CPXM1: variants seen among roughly 807,000 people sequenced by gnomAD.
The protein encoded by CPXM1 is carboxypeptidase X, M14 family member 1.
In CPXM1, 72 loss-of-function variants were observed where a neutral mutation model predicts 80.4. The observed-to-expected ratio is 0.90, with a 90% CI of 0.74 to 1.09. The LOEUF (loss-of-function observed/expected upper bound fraction) is 1.09. Ranked by LOEUF, CPXM1 falls within the 50% of genes least tolerant of loss-of-function variation. The pLI is 0.00. For synonymous variants in CPXM1, 403 were observed against 405.6 expected (o/e 0.99, Z 0.08); for missense variants, 892 against 999.4 (o/e 0.89, Z 1.45).
rs2088502993 is a variant in CPXM1 at position 2,795,984 on chromosome 20, T to C, written c.1420A>G (p.Thr474Ala). The C allele has an allele frequency of 6.2e-7, 1 of 1,606,222 alleles. No individual in the cohort carries two copies. Among genetic ancestry groups the C allele is most frequent in the African/African-American group, 1.3e-5 (1 of 74,836 alleles). Residue 474 changes from threonine to alanine, a missense_variant and splice_region_variant, in exon 10 of 14, where the codon ACC (threonine) becomes GCC (alanine). Thr to Ala is a moderately conservative substitution (Grantham distance 58). Coordinates refer to ENST00000380605, the MANE Select transcript of CPXM1 (RefSeq NM_019609.5). This position sits in a 1 kb window ranked among gnomAD's most constrained non-coding sequence, Gnocchi z 5.4. Reference sequence around the variant, plus strand: ...ACTGCCGCCCTCAAAATACTCACGGTGGCATTGGGCAGGGTGTAGTAAGTG... The same window carrying C: ...ACTGCCGCCCTCAAAATACTCACGGCGGCATTGGGCAGGGTGTAGTAAGTG... ...LPTYYTLPNA[T>A]VAPETRAVIK...
intron 1 of CPXM1, 119 bp downstream of exon 1, chr20:2,800,282 A>C (rs1001807255): frequency 2.2e-5 from 20 of 922,540 alleles, no homozygotes; most frequent in Admixed American, 8.0e-5. Context: ...GTGAGTGTGC[A>C]TGACTGTGAG....
In CPXM1 at chr20:2,794,410, C is replaced by A; in HGVS notation, c.1985G>T (p.Arg662Leu). Residue 662 changes from arginine to leucine, a missense_variant, in exon 14 of 14, where the codon CGT becomes CTT. Physicochemically the swap from Arg to Leu is moderately radical, Grantham distance 102 (BLOSUM62 -2). Around this residue, in one of 2 missense-constraint regions of CPXM1, gnomAD observed 874 missense variants for 958.4 expected, o/e 0.91. Coordinates refer to ENST00000380605, the MANE Select transcript of CPXM1 (RefSeq NM_019609.5). This position sits in a 1 kb window ranked among gnomAD's most constrained non-coding sequence, Gnocchi z 5.2. ...CATGTAGTCCCCTGGGGTCAGCAGACGCCAATAATCCCCGCCCCACGCTGA... is the reference window on the plus strand; with the variant it reads ...CATGTAGTCCCCTGGGGTCAGCAGAAGCCAATAATCCCCGCCCCACGCTGA... ...VTTAWGGDYW[R>L]LLTPGDYMVT... 6.2e-7 allele frequency: 1 copy of A among 1,614,104 alleles called. No homozygotes were observed. The highest frequency in any genetic ancestry group is 8.5e-7 in the Non-Finnish European group (1 of 1,179,986).
chr20:2,797,479 A>C (rs959611000), intron 5 of CPXM1, 137 bp from the exon 6 acceptor site: 5 of 989,678 alleles, frequency 5.1e-6, no homozygotes, highest in Non-Finnish European at 5.7e-6. Context: ...ACTGTGCATC[A>C]AACACAGACC....
In CPXM1 at chr20:2,794,779, G is replaced by GGA; in HGVS notation, c.1861-141_1861-140insTC. The GGA allele has an allele frequency of 2.0e-6, 1 of 508,970 alleles. No homozygotes were observed. Among genetic ancestry groups the GGA allele is most frequent in the South Asian group, 2.4e-5 (1 of 41,494 alleles). The allele number at this position is 508,970 out of a possible 1,614,324, so 31.5% of individuals were successfully genotyped here. Reference sequence around the variant, plus strand: ...TTCCTAGGTGACACTACTTCTGGAAGAAAAAAAAAAAAGAAATCCTGATTG... The same window carrying GGA: ...TTCCTAGGTGACACTACTTCTGGAAGGAAAAAAAAAAAAAGAAATCCTGATTG... On this transcript the variant is annotated intron_variant, in intron 12 of 13. Coordinates refer to ENST00000380605, the MANE Select transcript of CPXM1 (RefSeq NM_019609.5). This position sits in a 1 kb window ranked among gnomAD's most constrained non-coding sequence, Gnocchi z 5.2.
At position 2,794,308 on chromosome 20, in the gene CPXM1, C is replaced by T. The variant is rs1394029298; in HGVS notation, c.2087G>A (p.Cys696Tyr). ...RVTFEEGPFP[C>Y]NFVLTKTPKQ... The stretch of plus-strand genomic sequence containing the variant: ...GGGAGTCTTGGTGAGCACGAAATTG[C>T]AGGGGAAGGGGCCCTCTTCAAAGGT... Residue 696 changes from cysteine to tyrosine, a missense_variant, in exon 14 of 14, where the codon TGC becomes TAC. This residue lies in a region of CPXM1 where 874 missense variants were observed against 958.4 expected (regional missense o/e 0.91). Transcript: ENST00000380605. The surrounding 1 kb of genome is among the most constrained non-coding windows in gnomAD (Gnocchi z 5.2). 6.2e-7 allele frequency: 1 copy of T among 1,614,164 alleles called. No individual in the cohort carries two copies. The highest frequency in any genetic ancestry group is 8.5e-7 in the Non-Finnish European group (1 of 1,180,024).
chr20:2,796,738 C>A lies in CPXM1; in HGVS notation c.922-88G>T. On this transcript the variant is annotated intron_variant, in intron 7 of 13. Coordinates refer to ENST00000380605, the MANE Select transcript of CPXM1 (RefSeq NM_019609.5). This position sits in a 1 kb window ranked among gnomAD's most constrained non-coding sequence, Gnocchi z 6.8. ...TGTGCCATGGAAAGACTTAAAAAGTCAGCGATGGCCCACACAGAGGGGGCA... is the reference window on the plus strand; with the variant it reads ...TGTGCCATGGAAAGACTTAAAAAGTAAGCGATGGCCCACACAGAGGGGGCA... The A allele has an allele frequency of 6.5e-7, 1 of 1,541,266 alleles. No individual in the cohort carries two copies. The highest frequency in any genetic ancestry group is 1.8e-5 in the Admixed American group (1 of 55,602).
Position 2,796,711 on chromosome 20 carries a change from CAT to C in CPXM1, c.922-63_922-62del. 2 of 1,594,420 alleles carry C rather than the reference CAT, an allele frequency of 1.3e-6. No homozygotes were observed. Among genetic ancestry groups the C allele is most frequent in the Non-Finnish European group, 1.7e-6 (2 of 1,168,360 alleles). On this transcript the variant is annotated intron_variant, in intron 7 of 13. Transcript: ENST00000380605. The surrounding 1 kb of genome is among the most constrained non-coding windows in gnomAD (Gnocchi z 6.8). ...GAGGGGTACACCCAGGGGCAGATCACATGTGCCATGGAAAGACTTAAAAAGTC... is the reference window on the plus strand; with the variant it reads ...GAGGGGTACACCCAGGGGCAGATCACGTGCCATGGAAAGACTTAAAAAGTC...
In CPXM1 at chr20:2,797,286, G is replaced by T; in HGVS notation, c.738C>A (p.Pro246=). The T allele has an allele frequency of 6.4e-7, 1 of 1,566,312 alleles. No homozygotes were observed. Among genetic ancestry groups the T allele is most frequent in the South Asian group, 1.2e-5 (1 of 86,020 alleles). The change falls in exon 6 of 14, where the codon CCC becomes CCA. Residue 246 remains proline (P), a synonymous_variant. Coordinates refer to ENST00000380605, the MANE Select transcript of CPXM1 (RefSeq NM_019609.5). ...GCAGGCGAATGAAGCGGGCCACCTG[G>T]GGCTCCGGCAGGAGGTTCAGCACTG... The part of the protein sequence containing the change: ...ETPVLNLLPE[P]QVARFIRLLP...
chr20:2,794,229 A>C lies in CPXM1; in HGVS notation c.2166T>G (p.Leu722=), dbSNP rs1451351664. ...CCCTTAGCCGCTCCAGGCGCCTGCG[A>C]AGGTCCGGGGGCACCTTGGCCCCAG... ...LAAGAKVPPD[L]RRRLERLRGQ... The change falls in exon 14 of 14, where the codon CTT becomes CTG. Residue 722 remains leucine (L), a synonymous_variant. Coordinates refer to ENST00000380605, the MANE Select transcript of CPXM1 (RefSeq NM_019609.5). This position sits in a 1 kb window ranked among gnomAD's most constrained non-coding sequence, Gnocchi z 5.2. 2 of 1,613,676 alleles carry C rather than the reference A, an allele frequency of 1.2e-6. No individual in the cohort carries two copies. The highest frequency in any genetic ancestry group is 1.7e-6 in the Non-Finnish European group (2 of 1,180,012).
At chr20:2,798,565 GGACCA>G in intron 2 of CPXM1, 28 bp from the exon 3 acceptor site, 3 of 1,594,202 alleles carry the variant, frequency 1.9e-6, no homozygotes, top group Non-Finnish European at 2.6e-6. Flanking sequence ...CAGTGAGACA[GGACCA>G]GAGGGAGGGT....
chr20:2,800,278 G>A lies in CPXM1; in HGVS notation c.172+123C>T, dbSNP rs1039646026. The A allele has an allele frequency of 3.8e-5, 33 of 875,204 alleles. No individual in the cohort carries two copies. The African/African-American group carries it at 4.6e-4, about 12-fold the overall frequency. 54.2% of individuals were successfully genotyped at this position (875,204 alleles called of 1,614,324 possible). A position where few individuals can be genotyped will look rare whatever the true frequency, so the allele number is the denominator to read the frequency against. Reference sequence around the variant, plus strand: ...GTGCGAGTGTGCGTGCGGGGTGAGTGTGCATGACTGTGAGTGTGCGTGGGT... The same window carrying A: ...GTGCGAGTGTGCGTGCGGGGTGAGTATGCATGACTGTGAGTGTGCGTGGGT... On this transcript the variant is annotated intron_variant, in intron 1 of 13. Coordinates refer to ENST00000380605, the MANE Select transcript of CPXM1 (RefSeq NM_019609.5).
At position 2,795,934 on chromosome 20, in the gene CPXM1, C is replaced by T; in HGVS notation, c.1423-38G>A. Reference sequence around the variant, plus strand: ...GGTCAGGAGGGGCAGGAGACAGAGACAAGGTCCGCCCCCCACAGACCTCCA... The same window carrying T: ...GGTCAGGAGGGGCAGGAGACAGAGATAAGGTCCGCCCCCCACAGACCTCCA... On this transcript the variant is annotated intron_variant, in intron 10 of 13. Transcript: ENST00000380605. The surrounding 1 kb of genome is among the most constrained non-coding windows in gnomAD (Gnocchi z 5.4). The T allele has an allele frequency of 6.2e-7, 1 of 1,601,136 alleles. No individual in the cohort carries two copies. The highest frequency in any genetic ancestry group is 1.3e-5 in the African/African-American group (1 of 74,864).
At position 2,794,422 on chromosome 20, in the gene CPXM1, C is replaced by G; in HGVS notation, c.1973G>C (p.Gly658Ala). The G allele has an allele frequency of 6.2e-7, 1 of 1,614,040 alleles. No homozygotes were observed. The highest frequency in any genetic ancestry group is 8.5e-7 in the Non-Finnish European group (1 of 1,179,942). ...TGGGGTCAGCAGACGCCAATAATCC[C>G]CGCCCCACGCTGAGGAGAGTGAAGG... ...INHDVTTAWGGDYWRLLTPGD... is the reference protein window; with the variant it reads ...INHDVTTAWGADYWRLLTPGD... Residue 658 changes from glycine to alanine, a missense_variant, in exon 14 of 14, where the codon GGG (glycine) becomes GCG (alanine). Around this residue, in one of 2 missense-constraint regions of CPXM1, gnomAD observed 874 missense variants for 958.4 expected, o/e 0.91. Transcript: ENST00000380605. This position sits in a 1 kb window ranked among gnomAD's most constrained non-coding sequence, Gnocchi z 5.2.
In CPXM1 at chr20:2,796,337, C is replaced by G; in HGVS notation, c.1152G>C (p.Gly384=). Residue 384 remains glycine (G), a synonymous_variant, in exon 9 of 14, where the codon GGG becomes GGC. Coordinates refer to ENST00000380605, the MANE Select transcript of CPXM1 (RefSeq NM_019609.5). The surrounding 1 kb of genome is among the most constrained non-coding windows in gnomAD (Gnocchi z 6.8). The part of the protein sequence containing the change: ...MQFLCHEFLR[G]NPRVTRLLSE... ...AGAGCAGCCGGGTCACCCGTGGGTT[C>G]CCTCGCAGGAACTCATGGCACAGGA... The G allele has an allele frequency of 6.2e-7, 1 of 1,614,054 alleles. No homozygotes were observed. Among genetic ancestry groups the G allele is most frequent in the Non-Finnish European group, 8.5e-7 (1 of 1,180,004 alleles).
chr20:2,795,712 TAG>T lies in CPXM1; in HGVS notation c.1605_1606del (p.Tyr536CysfsTer4), dbSNP rs775442271. 6.2e-7 allele frequency: 1 copy of T among 1,613,920 alleles called. No homozygotes were observed. The highest frequency in any genetic ancestry group is 8.5e-7 in the Non-Finnish European group (1 of 1,180,012). ...CTGCATGGCCAGATTACTGCCAGCA[TAG>T]ACAGTGCTGAGCCAGCGAAACACAG... On this transcript the variant is annotated frameshift_variant, in exon 11 of 14. Coordinates refer to ENST00000380605, the MANE Select transcript of CPXM1 (RefSeq NM_019609.5). LOFTEE classifies it high-confidence loss of function. The surrounding 1 kb of genome is among the most constrained non-coding windows in gnomAD (Gnocchi z 5.4).
Position 2,798,058 on chromosome 20 carries a change from C to T in CPXM1, c.591G>A (p.Arg197=). The change falls in exon 5 of 14, where the codon AGG becomes AGA. Residue 197 remains arginine, a splice_region_variant and synonymous_variant. Transcript: ENST00000380605. The part of the protein sequence containing the change: ...VITQGRNSVW[R]YDWVTSYKVQ... ...CCTTGTATGATGTGACCCAGTCATA[C>T]CTGGCAGGAGAGGTGGAGAGAGATC... 3 of 1,614,164 alleles carry T rather than the reference C, an allele frequency of 1.9e-6. No homozygotes were observed. Among genetic ancestry groups the T allele is most frequent in the Non-Finnish European group, 2.5e-6 (3 of 1,180,020 alleles).
Position 2,796,390 on chromosome 20 carries a change from G to A in CPXM1, c.1099C>T (p.Arg367Trp), listed in dbSNP as rs1440815722. The change falls in exon 9 of 14, where the codon CGG (arginine) becomes TGG (tryptophan). Residue 367 changes from arginine (R) to tryptophan (W), a missense_variant. Transcript: ENST00000380605. The surrounding 1 kb of genome is among the most constrained non-coding windows in gnomAD (Gnocchi z 6.8). ...TGCATCAGGAGCAGAAGCAACTCCC[G>A]CCCCAGGGCCTCGTTCCCATGCATG... ...AGMHGNEALG[R>W]ELLLLLMQFL... is the part of the protein sequence containing the mutation. 9.3e-6 allele frequency: 15 copies of A among 1,614,056 alleles called. No individual in the cohort carries two copies. Among genetic ancestry groups the A allele is most frequent in the Non-Finnish European group, 1.2e-5 (14 of 1,179,982 alleles).
Position 2,796,027 on chromosome 20 carries a change from G to A in CPXM1, c.1377C>T (p.Asn459=), listed in dbSNP as rs901920757. The A allele has an allele frequency of 6.2e-7, 1 of 1,613,242 alleles. No homozygotes were observed. The highest frequency in any genetic ancestry group is 2.2e-5 in the East Asian group (1 of 44,890). Residue 459 remains asparagine, a synonymous_variant, in exon 10 of 14, where the codon AAC becomes AAT. Coordinates refer to ENST00000380605, the MANE Select transcript of CPXM1 (RefSeq NM_019609.5). The surrounding 1 kb of genome is among the most constrained non-coding windows in gnomAD (Gnocchi z 6.8). ...AGTAAGTGGGCAATGGCAGGTGATGGTTGGGGACGATGTGGGGCACCTTCC... is the reference window on the plus strand; with the variant it reads ...AGTAAGTGGGCAATGGCAGGTGATGATTGGGGACGATGTGGGGCACCTTCC... ...DDGKVPHIVP[N]HHLPLPTYYT...
At chr20:2,800,154 A>T (rs1195016938) in intron 1 of CPXM1, among the ~76,000 whole-genome samples, 3 of 146,030 alleles carry the variant, frequency 2.1e-5, no homozygotes, top group Non-Finnish European at 3.0e-5. Flanking sequence ...CGCGCGTGTG[A>T]GTGTGCGTGT....
Sources: allele counts gnomAD v4.1 joint callset (sites outside exome capture counted in the v4.1 genomes callset), GRCh38; gene constraint gnomAD v4.1.1; regional missense constraint gnomAD v4.1.1; non-coding constraint Gnocchi (gnomAD v3.1); transcripts MANE v1.5; gene names NCBI Gene and HGNC (gene_info 2026-07-23, HGNC 2026-07-21).